The following SLC18A2 variants were observed in gnomAD, a reference collection of about 807,000 sequenced individuals.
SLC18A2 encodes the protein synaptic vesicular amine transporter.
In SLC18A2, 33 loss-of-function variants were observed where a neutral mutation model predicts 59.2. The observed-to-expected ratio is 0.56, with a 90% confidence interval of 0.42 to 0.75. SLC18A2 has a LOEUF of 0.75. Among genes scored for constraint, SLC18A2 ranks in the 30% least tolerant of loss-of-function variants. SLC18A2 has a pLI of 0.00. For missense variants in SLC18A2, 569 were observed against 668.6 expected (o/e 0.85, Z 1.64); for synonymous variants, 228 against 253.5 (o/e 0.90, Z 0.95).
chr10:117,254,166 GC>G, intron 5 of SLC18A2, 35 bp downstream of exon 5: 2 of 1,596,744 alleles, frequency 1.3e-6, no homozygotes, highest in Non-Finnish European at 8.6e-7. Context: ...TTCGTGAGGG[GC>G]CCCTTGCAGA....
At chr10:117,267,825 C>T in intron 13 of SLC18A2, 89 bp downstream of exon 13, 1 of 1,011,020 alleles carries the variant, frequency 9.9e-7, no homozygotes, top group South Asian at 1.8e-5. Context: ...AGTTCCTCAA[C>T]CTAAATTTCC....
intron 6 of SLC18A2, 117 bp from the exon 7 acceptor site, chr10:117,255,160 C>T (rs1844213929): frequency 1.0e-6 from 1 of 961,492 alleles, no homozygotes; most frequent in Non-Finnish European, 1.6e-6. Flanking sequence ...AGGGCAGCCA[C>T]CCCAAAGCCT....
intron 8 of SLC18A2, 30 bp downstream of exon 8, chr10:117,255,552 G>A (rs1266909153): frequency 6.2e-7 from 1 of 1,614,184 alleles, no homozygotes; most frequent in East Asian, 2.2e-5. Flanking sequence ...GGCCCTGGGG[G>A]AGGGGGCATG....
intron 12 of SLC18A2, 163 bp downstream of exon 12, chr10:117,267,198 A>T (rs1473470666): frequency 1.7e-6 from 1 of 605,236 alleles, no homozygotes; most frequent in African/African-American, 1.9e-5. Context: ...TTTGGACAAG[A>T]CTTTCCAAGG....
rs557888112 is a variant in SLC18A2, at chr10:117,260,499, C to T, written c.991+2607C>T. Among the ~76,000 whole-genome samples the T allele has an allele frequency of 6.6e-5, 10 of 152,254 alleles. No individual in the cohort carries two copies. The South Asian group carries it at 8.3e-4, about 13-fold the overall frequency. On this transcript the variant is annotated intron_variant, in intron 10 of 15. Coordinates refer to ENST00000644641, the MANE Select transcript of SLC18A2 (RefSeq NM_003054.6). The stretch of plus-strand genomic sequence containing the variant: ...GTTTGTCCTCAGGAAGGTATGGGGG[C>T]GGAAGGGGGCATAGGCTGTGTGTCT...
intron 9 of SLC18A2, among the ~76,000 whole-genome samples, chr10:117,256,484 C>T (rs947718063): frequency 2.0e-5 from 3 of 152,184 alleles, no homozygotes; most frequent in Non-Finnish European, 2.9e-5. Flanking sequence ...TAGGGTTAGA[C>T]TTGTCTAAGC....
At chr10:117,255,725 G>A in intron 9 of SLC18A2, 68 bp downstream of exon 9, 3 of 1,429,442 alleles carry the variant, frequency 2.1e-6, no homozygotes, top group East Asian at 2.3e-5. Flanking sequence ...AGGCAGGGGT[G>A]GATGGCCAGG....
In SLC18A2 at chr10:117,273,579, TG is replaced by T. The variant is rs138835826; in HGVS notation, c.1440+3120del. On this transcript the variant is annotated intron_variant, in intron 15 of 15. Transcript: ENST00000644641. ...CTGGATGCCATGCGTGGGGCAAGGA[TG>T]GGGTGGCCCGAGGCTGCTGAGATAG... 7.1e-3 allele frequency among the ~76,000 whole-genome samples: 1,077 copies of T among 152,262 alleles called. 10 individuals carry two copies. Among genetic ancestry groups the T allele is most frequent in the African/African-American group, 0.025 (1,037 of 41,562 alleles).
Position 117,277,416 on chromosome 10 carries a change from C to T in SLC18A2, c.*150C>T, listed in dbSNP as rs144613652. ...ATTATTTCCTTTCCATGGTTATGGTCGATTGCCAACAGCCTTATAAAGAAA... is the reference window on the plus strand; with the variant it reads ...ATTATTTCCTTTCCATGGTTATGGTTGATTGCCAACAGCCTTATAAAGAAA... On this transcript the variant is annotated 3_prime_UTR_variant, in exon 16 of 16. Coordinates refer to ENST00000644641, the MANE Select transcript of SLC18A2 (RefSeq NM_003054.6). 3,162 of 471,574 alleles carry T rather than the reference C, an allele frequency of 6.7e-3. 18 individuals are homozygous for T. The highest frequency in any genetic ancestry group is 0.015 in the Middle Eastern group (40 of 2,686). The allele number at this position is 471,574 out of a possible 1,614,324, so 29.2% of individuals were successfully genotyped here.
At chr10:117,246,224 G>A (rs1264301538) in intron 3 of SLC18A2, among the ~76,000 whole-genome samples, 1 of 152,196 alleles carries the variant, frequency 6.6e-6, no homozygotes, top group East Asian at 1.9e-4. Flanking sequence ...ATAATACCTT[G>A]CCAATCACTT....
At chr10:117,266,161 T>C (rs1844346727) in intron 10 of SLC18A2, among the ~76,000 whole-genome samples, 1 of 150,190 alleles carries the variant, frequency 6.7e-6, no homozygotes, top group African/African-American at 2.4e-5. Flanking sequence ...GTTTCTGACA[T>C]AGAAAAATGT....
intron 4 of SLC18A2, 142 bp from the exon 5 acceptor site, chr10:117,253,906 T>C: frequency 1.3e-6 from 1 of 744,484 alleles, no homozygotes; most frequent in South Asian, 1.6e-5. Flanking sequence ...AAGGAATTGA[T>C]AGCTTTTTAC....
At chr10:117,249,390 G>C (rs1168085843) in intron 3 of SLC18A2, among the ~76,000 whole-genome samples, 1 of 152,252 alleles carries the variant, frequency 6.6e-6, no homozygotes, top group Non-Finnish European at 1.5e-5. Flanking sequence ...CAGAACCTAA[G>C]AATTTTGACA....
chr10:117,248,244 C>T (rs1420482094), intron 3 of SLC18A2, among the ~76,000 whole-genome samples: 1 of 152,114 alleles, frequency 6.6e-6, no homozygotes, highest in African/African-American at 2.4e-5. Flanking sequence ...GGATTACAGG[C>T]GTGAGCCACC....
chr10:117,268,898 TTG>T (rs924059711), intron 13 of SLC18A2, among the ~76,000 whole-genome samples: 6 of 151,040 alleles, frequency 4.0e-5, no homozygotes, highest in Non-Finnish European at 7.4e-5. Context: ...TATGTGTGTG[TTG>T]TGTGTATGTG....
chr10:117,270,486 T>C (rs750772157), intron 15 of SLC18A2, 23 bp downstream of exon 15: 4 of 1,610,846 alleles, frequency 2.5e-6, no homozygotes, highest in African/African-American at 2.7e-5. Flanking sequence ...TAGGATGCAG[T>C]GAGCATTTCT....
chr10:117,241,838 G>T lies in SLC18A2; in HGVS notation c.121+24G>T, dbSNP rs771364936. ...GGGTACGTGCGGACAGGGCACCCCT[G>T]CCCCGGCACCCCAGCCCCAGCGCCC... On this transcript the variant is annotated intron_variant, in intron 2 of 15. Coordinates refer to ENST00000644641, the MANE Select transcript of SLC18A2 (RefSeq NM_003054.6). 3.1e-6 allele frequency: 5 copies of T among 1,592,380 alleles called. No homozygotes were observed. The East Asian group carries it at 1.2e-4, about 38-fold the overall frequency.
intron 4 of SLC18A2, 42 bp from the exon 5 acceptor site, chr10:117,254,006 C>G (rs1446286957): frequency 2.5e-6 from 4 of 1,584,584 alleles, no homozygotes; most frequent in Admixed American, 1.7e-5. Context: ...GGTTGTGTCC[C>G]AGCAGCACTG....
chr10:117,248,275 T>A (rs920159738), intron 3 of SLC18A2, among the ~76,000 whole-genome samples: 1 of 152,242 alleles, frequency 6.6e-6, no homozygotes, highest in African/African-American at 2.4e-5. Context: ...CTGTCTGTTT[T>A]TTTTAAATAT....
Sources: allele counts gnomAD v4.1 joint callset (sites outside exome capture counted in the v4.1 genomes callset), GRCh38; gene constraint gnomAD v4.1.1; transcripts MANE v1.5; gene names NCBI Gene and HGNC (gene_info 2026-07-23, HGNC 2026-07-21).